Variants in NCAPD3 observed in about 807,000 individuals in gnomAD.
NCAPD3 encodes the protein non-SMC condensin II complex subunit D3, also known as condensin-2 complex subunit D3.
NCAPD3 carries 105 observed loss-of-function variants against 182.9 expected under a neutral mutation model. The ratio of observed to expected loss-of-function variants is 0.57; its 90% CI spans 0.49 to 0.68. NCAPD3 has a LOEUF of 0.68. Among genes scored for constraint, NCAPD3 ranks in the 30% least tolerant of loss-of-function variants. The pLI is 0.00. For synonymous variants in NCAPD3, 815 were observed against 679.9 expected (o/e 1.20, Z -3.09); for missense variants, 1,944 against 1,837.0 (o/e 1.06, Z -1.07).
In NCAPD3 at chr11:134,209,387, A is replaced by G. The variant is rs1468320313; in HGVS notation, c.658T>C (p.Leu220=). 1 of 1,614,108 alleles carries G rather than the reference A, an allele frequency of 6.2e-7. No individual in the cohort carries two copies. Among genetic ancestry groups the G allele is most frequent in the Non-Finnish European group, 8.5e-7 (1 of 1,179,962 alleles). The change falls in exon 5 of 35, where the codon TTA becomes CTA. Residue 220 remains leucine, a synonymous_variant. Coordinates refer to ENST00000534548, the MANE Select transcript of NCAPD3 (RefSeq NM_015261.3). ...SQIRNAIFHL[L]KNFLRLLPKF... ...GGCAGAAGCCTTAAAAAATTCTTTA[A>G]AAGGTGAAAGATGGCATTTCGAATT...
chr11:134,171,293 TA>T (rs1410174692), intron 24 of NCAPD3, among the ~76,000 whole-genome samples: 1 of 152,206 alleles, frequency 6.6e-6, no homozygotes, highest in African/African-American at 2.4e-5. Flanking sequence ...GTGATTACCT[TA>T]TTACAGCCTT....
rs1944219465 is a variant in NCAPD3 at position 134,178,471 on chromosome 11, C to T, written c.2782+163G>A. The T allele has an allele frequency of 1.0e-5, 5 of 489,966 alleles. No individual in the cohort carries two copies. In the South Asian group the frequency reaches 2.7e-4, roughly 26 times the overall value. The allele number at this position is 489,966 out of a possible 1,614,324, so 30.4% of individuals were successfully genotyped here. ...CTCTCATGACCAGCACGCAGTTATG[C>T]AGAGCTCAGCACTCAGATCAGAGCC... On this transcript the variant is annotated intron_variant, in intron 22 of 34. Coordinates refer to ENST00000534548, the MANE Select transcript of NCAPD3 (RefSeq NM_015261.3).
chr11:134,167,887 ACACT>A (rs1943901912), intron 27 of NCAPD3, 105 bp downstream of exon 27: 4 of 1,029,768 alleles, frequency 3.9e-6, no homozygotes, highest in Admixed American at 2.0e-5. Context: ...GGGGAGGTGC[ACACT>A]CACTTGTGAG....
At chr11:134,223,746 C>T in intron 1 of NCAPD3, 117 bp downstream of exon 1, 1 of 1,281,928 alleles carries the variant, frequency 7.8e-7, no homozygotes. Context: ...CAGGCACCGC[C>T]GACAGCCGGG....
chr11:134,168,209 A>G lies in NCAPD3; in HGVS notation c.3374-14T>C, dbSNP rs1307480774. On this transcript the variant is annotated splice_polypyrimidine_tract_variant and intron_variant, in intron 26 of 34. Coordinates refer to ENST00000534548, the MANE Select transcript of NCAPD3 (RefSeq NM_015261.3). ...CAGCAAAGCACGCTGAGAGACAGAGAGAGAGAAAAACGTGAGCTTCTGAGA... is the reference window on the plus strand; with the variant it reads ...CAGCAAAGCACGCTGAGAGACAGAGGGAGAGAAAAACGTGAGCTTCTGAGA... 1 of 1,611,340 alleles carries G rather than the reference A, an allele frequency of 6.2e-7. No homozygotes were observed. The highest frequency in any genetic ancestry group is 2.2e-5 in the East Asian group (1 of 44,872).
intron 32 of NCAPD3, among the ~76,000 whole-genome samples, chr11:134,155,131 G>A (rs1943384359): frequency 6.6e-6 from 1 of 152,072 alleles, no homozygotes. Context: ...ACAGTAACAG[G>A]GACTTGCTAA....
chr11:134,162,454 A>G (rs1227501686), intron 27 of NCAPD3, among the ~76,000 whole-genome samples: 2 of 152,224 alleles, frequency 1.3e-5, no homozygotes, highest in African/African-American at 4.8e-5. Context: ...ACCTTGAATG[A>G]TCACTAACCA....
chr11:134,161,109 T>C (rs899351417), intron 28 of NCAPD3, among the ~76,000 whole-genome samples: 1 of 152,126 alleles, frequency 6.6e-6, no homozygotes, highest in African/African-American at 2.4e-5. Flanking sequence ...GTTGAGGCCT[T>C]TATTGGAAAA....
At chr11:134,177,586 A>G (rs778558382) in intron 22 of NCAPD3, 129 bp from the exon 23 acceptor site, 5 of 744,612 alleles carry the variant, frequency 6.7e-6, no homozygotes, top group African/African-American at 1.8e-5. Flanking sequence ...CCACAATCAC[A>G]AACAACAAAA....
intron 27 of NCAPD3, among the ~76,000 whole-genome samples, chr11:134,162,698 T>C (rs927217351): frequency 1.3e-5 from 2 of 152,154 alleles, no homozygotes; most frequent in African/African-American, 4.8e-5. Flanking sequence ...TGTGAGCAGA[T>C]GTTATGTTCA....
chr11:134,213,661 C>T (rs1019869249), intron 3 of NCAPD3, among the ~76,000 whole-genome samples: 1 of 150,944 alleles, frequency 6.6e-6, no homozygotes, highest in East Asian at 1.9e-4. Context: ...AAAGCCATGA[C>T]CACGTGACAG....
chr11:134,189,699 G>A (rs1944485081), intron 16 of NCAPD3, among the ~76,000 whole-genome samples: 1 of 152,164 alleles, frequency 6.6e-6, no homozygotes, highest in Non-Finnish European at 1.5e-5. Context: ...GCTTAGAAAT[G>A]TGTGCTTATT....
At chr11:134,161,659 TG>T in intron 28 of NCAPD3, 121 bp downstream of exon 28, 3 of 683,876 alleles carry the variant, frequency 4.4e-6, no homozygotes, top group Non-Finnish European at 5.2e-6. Flanking sequence ...AAGGTAATGT[TG>T]GGTTTGCAGA....
chr11:134,153,140 G>A lies in NCAPD3; in HGVS notation c.4388C>T (p.Pro1463Leu), dbSNP rs776279014. The change falls in exon 34 of 35, where the codon CCG becomes CTG. Residue 1463 changes from proline to leucine, a missense_variant and splice_region_variant. By Grantham distance (98) the Pro-to-Leu change is moderately conservative (BLOSUM62 -3). Transcript: ENST00000534548. ...DILCLSLPDK[P>L]PPQPQQWNVR... Reference sequence around the variant, plus strand: ...TCAAAAGGAACACTGCTAAACTTACGGTTTATCAGGCAGTGATAAACATAA... The same window carrying A: ...TCAAAAGGAACACTGCTAAACTTACAGTTTATCAGGCAGTGATAAACATAA... 7 of 1,613,628 alleles carry A rather than the reference G, an allele frequency of 4.3e-6. No homozygotes were observed. The highest frequency in any genetic ancestry group is 5.9e-6 in the Non-Finnish European group (7 of 1,179,584).
intron 25 of NCAPD3, 64 bp downstream of exon 25, chr11:134,168,853 C>A: frequency 1.9e-6 from 3 of 1,558,194 alleles, no homozygotes; most frequent in Admixed American, 3.6e-5. Context: ...AAGAGCCTAA[C>A]CTCCCCTGAT....
chr11:134,152,951 G>T lies in NCAPD3; in HGVS notation c.4490C>A (p.Ala1497Asp), dbSNP rs576608179. The T allele has an allele frequency of 2.0e-5, 31 of 1,550,704 alleles. No individual in the cohort carries two copies. The East Asian group carries it at 3.4e-4, about 17-fold the overall frequency. Reference sequence around the variant, plus strand: ...ACTGGTGGGAGGCGCTGTTTAGTTGGCTGTTTTCAGAGGGGTCTTTCGGAG... The same window carrying T: ...ACTGGTGGGAGGCGCTGTTTAGTTGTCTGTTTTCAGAGGGGTCTTTCGGAG... ...RSLRKTPLKT[A>D]N The change falls in exon 35 of 35, where the codon GCC becomes GAC. Residue 1497 changes from alanine to aspartate, a missense_variant. This residue lies in a region of NCAPD3 where 1,803 missense variants were observed against 1,674.6 expected (regional missense o/e 1.08). Transcript: ENST00000534548.
rs201787367 is a variant in NCAPD3 at position 134,181,237 on chromosome 11, C to T, written c.2452-53G>A. The T allele has an allele frequency of 2.2e-5, 26 of 1,158,080 alleles. No individual in the cohort carries two copies. In the East Asian group the frequency reaches 5.8e-4, roughly 26 times the overall value. The allele number at this position is 1,158,080 out of a possible 1,614,324, so 71.7% of individuals were successfully genotyped here. On this transcript the variant is annotated intron_variant, in intron 19 of 34. Transcript: ENST00000534548. The stretch of plus-strand genomic sequence containing the variant: ...AGGGCCCCGCACATCTCCCAGACTA[C>T]CCATGAAACACCATGTTCTCAGAAG...
chr11:134,184,201 T>A (rs1944351697), intron 19 of NCAPD3, among the ~76,000 whole-genome samples: 1 of 152,228 alleles, frequency 6.6e-6, no homozygotes, highest in Admixed American at 6.5e-5. Flanking sequence ...TAGTGTAACC[T>A]CATAGTAACA....
chr11:134,204,014 G>T lies in NCAPD3; in HGVS notation c.1215+32C>A. ...ACCCTTTTAAAAAGAGTTTAAAAAG[G>T]ACCCAAGGTTTTATGCAGAGCTATC... is the stretch of plus-strand genomic sequence containing the variant. On this transcript the variant is annotated intron_variant, in intron 10 of 34. Transcript: ENST00000534548. The surrounding 1 kb of genome is among the most constrained non-coding windows in gnomAD (Gnocchi z 4.3). 1 of 1,608,298 alleles carries T rather than the reference G, an allele frequency of 6.2e-7. No individual in the cohort carries two copies. Among genetic ancestry groups the T allele is most frequent in the South Asian group, 1.1e-5 (1 of 90,016 alleles).
Sources: allele counts gnomAD v4.1 joint callset (sites outside exome capture counted in the v4.1 genomes callset), GRCh38; gene constraint gnomAD v4.1.1; regional missense constraint gnomAD v4.1.1; non-coding constraint Gnocchi (gnomAD v3.1); transcripts MANE v1.5; gene names NCBI Gene and HGNC (gene_info 2026-07-23, HGNC 2026-07-21).